Variants in STXBP5L observed in about 807,000 individuals in gnomAD.
The protein encoded by STXBP5L is syntaxin binding protein 5L.
A neutral mutation model predicts 144.5 loss-of-function variants in STXBP5L; 65 were observed. The ratio of observed to expected loss-of-function variants is 0.45; its 90% CI spans 0.37 to 0.55. STXBP5L has a LOEUF of 0.55. STXBP5L is among the 20% of genes least tolerant of loss of function. The pLI is 0.00. For synonymous variants in STXBP5L, 505 were observed against 469.6 expected, an observed-to-expected ratio of 1.08 and a Z score of -0.97; for missense variants, 1,298 against 1,405.5, an observed-to-expected ratio of 0.92 and a Z score of 1.22.
At chr3:121,094,046 G>A (rs1010450952) in intron 5 of STXBP5L, among the ~76,000 whole-genome samples, 1 of 152,124 alleles carries the variant, frequency 6.6e-6, no homozygotes, top group South Asian at 2.1e-4. Context: ...AGTCATTCAG[G>A]AGCAGGTTGT....
chr3:121,312,988 A>T (rs1465294566), intron 19 of STXBP5L, among the ~76,000 whole-genome samples: 1 of 152,138 alleles, frequency 6.6e-6, no homozygotes, highest in Admixed American at 6.5e-5. Context: ...CACCTCCCAG[A>T]CGGGGTCATG....
chr3:121,267,096 T>C (rs1371245493), intron 18 of STXBP5L, among the ~76,000 whole-genome samples: 1 of 152,162 alleles, frequency 6.6e-6, no homozygotes, highest in Non-Finnish European at 1.5e-5. Context: ...AGAGCCCGTA[T>C]AGTTAAGATA....
intron 5 of STXBP5L, among the ~76,000 whole-genome samples, chr3:121,072,577 TC>T (rs2041853045): frequency 6.6e-6 from 1 of 152,206 alleles, no homozygotes; most frequent in South Asian, 2.1e-4. Context: ...ACTTCCACTC[TC>T]CTGCTCAAAC....
At chr3:121,281,472 G>T (rs549706354) in intron 19 of STXBP5L, among the ~76,000 whole-genome samples, 1 of 151,956 alleles carries the variant, frequency 6.6e-6, no homozygotes, top group African/African-American at 2.4e-5. Context: ...GTGTTAGGGG[G>T]CAGTAGGCTA....
intron 9 of STXBP5L, among the ~76,000 whole-genome samples, chr3:121,198,827 C>G (rs187560595): frequency 6.6e-6 from 1 of 152,106 alleles, no homozygotes; most frequent in Non-Finnish European, 1.5e-5. Flanking sequence ...GGTCTTTGTT[C>G]TGTTTCATTG....
At chr3:120,934,293 T>G (rs1710137797) in intron 2 of STXBP5L, among the ~76,000 whole-genome samples, 1 of 152,014 alleles carries the variant, frequency 6.6e-6, no homozygotes, top group Non-Finnish European at 1.5e-5. Context: ...TCTCCAAGTA[T>G]TTTGGGGGTT....
intron 3 of STXBP5L, among the ~76,000 whole-genome samples, chr3:121,023,497 C>G (rs916579283): frequency 5.9e-5 from 9 of 152,140 alleles, no homozygotes; most frequent in Non-Finnish European, 5.9e-5. Context: ...GCAAACTACA[C>G]TACAAGGCTA....
At chr3:121,073,325 C>A (rs1178189260) in intron 5 of STXBP5L, among the ~76,000 whole-genome samples, 2 of 152,200 alleles carry the variant, frequency 1.3e-5, no homozygotes, top group Admixed American at 1.3e-4. Context: ...GATATCTTAA[C>A]ATCTTAGGGT....
chr3:121,356,478 G>A (rs996734154), intron 20 of STXBP5L, among the ~76,000 whole-genome samples: 2 of 152,228 alleles, frequency 1.3e-5, no homozygotes, highest in Admixed American at 6.5e-5. Context: ...AGGCTCTGTG[G>A]GCATGGGACC....
intron 20 of STXBP5L, among the ~76,000 whole-genome samples, chr3:121,343,219 G>T (rs1382015290): frequency 6.6e-6 from 1 of 151,966 alleles, no homozygotes; most frequent in Non-Finnish European, 1.5e-5. Context: ...ATTTGTTTGA[G>T]TTCATTGTAG....
intron 20 of STXBP5L, among the ~76,000 whole-genome samples, chr3:121,356,748 G>T (rs372002460): frequency 2.6e-5 from 4 of 152,204 alleles, no homozygotes; most frequent in South Asian, 2.1e-4. Flanking sequence ...AATAGGAAAT[G>T]CAGAAATCAC....
intron 22 of STXBP5L, among the ~76,000 whole-genome samples, chr3:121,390,609 C>T (rs558721427): frequency 6.6e-6 from 1 of 152,270 alleles, no homozygotes; most frequent in East Asian, 1.9e-4. Context: ...TCAGTATTTG[C>T]TTATCTGTAA....
intron 3 of STXBP5L, among the ~76,000 whole-genome samples, chr3:120,987,148 C>G (rs527843545): frequency 6.6e-6 from 1 of 152,044 alleles, no homozygotes; most frequent in African/African-American, 2.4e-5. Context: ...TTTAAAAAGT[C>G]AAGCAAAGAA....
chr3:121,418,185 C>T (rs1223830151), intron 25 of STXBP5L, 152 bp from the exon 26 acceptor site: 2 of 896,878 alleles, frequency 2.2e-6, no homozygotes, highest in East Asian at 5.4e-5. Context: ...GTGCTAACAT[C>T]TCCAAATACA....
chr3:120,970,873 C>A (rs1188681702), intron 3 of STXBP5L, among the ~76,000 whole-genome samples: 1 of 152,102 alleles, frequency 6.6e-6, no homozygotes, highest in Non-Finnish European at 1.5e-5. Context: ...ACTTATTGCT[C>A]TTCCATTGTT....
intron 5 of STXBP5L, among the ~76,000 whole-genome samples, chr3:121,067,509 A>T (rs979370991): frequency 1.3e-5 from 2 of 152,134 alleles, no homozygotes; most frequent in Non-Finnish European, 2.9e-5. Flanking sequence ...AGCTTCTTTG[A>T]CATTTGTTGA....
intron 20 of STXBP5L, among the ~76,000 whole-genome samples, chr3:121,340,161 A>G (rs2044655354): frequency 6.6e-6 from 1 of 152,150 alleles, no homozygotes; most frequent in Non-Finnish European, 1.5e-5. Context: ...TTGTACTACA[A>G]TGCTGTAGTA....
At chr3:121,235,110 G>A (rs1040674182) in intron 12 of STXBP5L, among the ~76,000 whole-genome samples, 2 of 151,812 alleles carry the variant, frequency 1.3e-5, no homozygotes, top group Non-Finnish European at 2.9e-5. Flanking sequence ...ATATAAGTAT[G>A]TGAATTAACA....
At chr3:120,987,551 T>G (rs1274937469) in intron 3 of STXBP5L, among the ~76,000 whole-genome samples, 10 of 151,912 alleles carry the variant, frequency 6.6e-5, no homozygotes, top group Non-Finnish European at 1.0e-4. Flanking sequence ...ATTTATTTTC[T>G]TTCATTTCTT....
Sources: gnomAD v4.1 joint callset for allele counts (sites outside exome capture counted in the v4.1 genomes callset) on GRCh38, gnomAD v4.1.1 for gene constraint, MANE v1.5 for transcripts, NCBI Gene and HGNC (gene_info 2026-07-23, HGNC 2026-07-21) for gene names.